Variants in CEP350 observed in about 807,000 individuals in gnomAD.
CEP350 encodes the protein centrosome-associated protein 350.
CEP350 carries 126 observed loss-of-function variants against 331.8 expected under a neutral mutation model. The observed-to-expected ratio is 0.38, with a 90% CI of 0.33 to 0.44. The LOEUF is 0.44. Among genes scored for constraint, CEP350 ranks in the 20% least tolerant of loss-of-function variants. The pLI, the probability that CEP350 is intolerant of heterozygous loss-of-function variation, is 1.00. For missense variants in CEP350, 3,406 were observed against 3,634.6 expected, an observed-to-expected ratio of 0.94 and a Z score of 1.62; for synonymous variants, 1,200 against 1,259.5, an observed-to-expected ratio of 0.95 and a Z score of 1.00.
intron 25 of CEP350, among the ~76,000 whole-genome samples, chr1:180,058,126 CT>C (rs1279382608): frequency 6.6e-6 from 1 of 152,086 alleles, no homozygotes. Context: ...GGTATATATC[CT>C]AAAAAAGCTT....
chr1:180,054,114 C>T (rs1308732784), intron 24 of CEP350, among the ~76,000 whole-genome samples, 180 bp downstream of exon 24: 1 of 152,176 alleles, frequency 6.6e-6, no homozygotes, highest in Non-Finnish European at 1.5e-5. Flanking sequence ...ACCCACGTAA[C>T]ATTTTCTTTG....
At chr1:180,042,943 A>G in intron 19 of CEP350, 113 bp from the exon 20 acceptor site, 1 of 1,149,502 alleles carries the variant, frequency 8.7e-7, no homozygotes, top group South Asian at 1.6e-5. Context: ...TTAGTGGCAG[A>G]ATTTGCTTGT....
rs1218845945 is a variant in CEP350, at chr1:180,111,363, T to C, written c.*202T>C. Reference sequence around the variant, plus strand: ...CTTTCGAGACTATCCACTGGATTAATGGGTTATTTTCAGTGGGCAGGGTTG... The same window carrying C: ...CTTTCGAGACTATCCACTGGATTAACGGGTTATTTTCAGTGGGCAGGGTTG... On this transcript the variant is annotated 3_prime_UTR_variant, in exon 38 of 38. Transcript: ENST00000367607. The C allele has an allele frequency of 1.7e-6, 1 of 581,400 alleles. No individual in the cohort carries two copies. The allele number at this position is 581,400 out of a possible 1,614,324, so 36.0% of individuals were successfully genotyped here. A position where few individuals can be genotyped will look rare whatever the true frequency, so the allele number is the denominator to read the frequency against.
At chr1:180,041,022 G>T (rs1656727080) in intron 17 of CEP350, 116 bp from the exon 18 acceptor site, 6 of 715,882 alleles carry the variant, frequency 8.4e-6, no homozygotes, top group Admixed American at 3.2e-5. Flanking sequence ...TTTCCTTTTG[G>T]TTCTAATTAG....
At chr1:180,100,477 G>C (rs1054416703) in intron 37 of CEP350, among the ~76,000 whole-genome samples, 2 of 152,216 alleles carry the variant, frequency 1.3e-5, no homozygotes, top group African/African-American at 4.8e-5. Context: ...CAGCTAAATT[G>C]ATGATATCCC....
At position 180,108,519 on chromosome 1, in the gene CEP350, G is replaced by A. The variant is rs186110539; in HGVS notation, c.9190-2478G>A. Among the ~76,000 whole-genome samples, 748 of 152,168 alleles carry A rather than the reference G, an allele frequency of 4.9e-3. 3 individuals carry two copies. The highest frequency in any genetic ancestry group is 0.01 in the Admixed American group (154 of 15,274). ...TGTCTCAAAAAAAAAGTGGGGCGGGGTGGGGGACTAAAAGAACTGTTATAG... is the reference window on the plus strand; with the variant it reads ...TGTCTCAAAAAAAAAGTGGGGCGGGATGGGGGACTAAAAGAACTGTTATAG... On this transcript the variant is annotated intron_variant, in intron 37 of 37. Coordinates refer to ENST00000367607, the MANE Select transcript of CEP350 (RefSeq NM_014810.5).
chr1:180,078,057 C>T (rs531040155), intron 28 of CEP350, among the ~76,000 whole-genome samples: 53 of 151,952 alleles, frequency 3.5e-4, no homozygotes, highest in Middle Eastern at 3.4e-3. Flanking sequence ...CACTTGATCC[C>T]GGGAAGCGAA....
In CEP350 at chr1:179,986,269, T is replaced by G; in HGVS notation, c.73+15T>G. The G allele has an allele frequency of 6.5e-7, 1 of 1,542,636 alleles. No individual in the cohort carries two copies. The highest frequency in any genetic ancestry group is 1.2e-5 in the South Asian group (1 of 83,520). On this transcript the variant is annotated intron_variant, in intron 2 of 37. Transcript: ENST00000367607. Reference sequence around the variant, plus strand: ...TACTGTTCAAGGTATGATTTTGTTTTTTTAAACAGAACTTAATACCTCATT... The same window carrying G: ...TACTGTTCAAGGTATGATTTTGTTTGTTTAAACAGAACTTAATACCTCATT...
intron 22 of CEP350, among the ~76,000 whole-genome samples, chr1:180,051,393 G>C (rs561042386): frequency 6.6e-6 from 1 of 152,284 alleles, no homozygotes; most frequent in South Asian, 2.1e-4. Flanking sequence ...ATGACAGTCT[G>C]TAAAAGCCAC....
chr1:180,080,291 T>C (rs1371333322), intron 29 of CEP350, among the ~76,000 whole-genome samples: 1 of 152,080 alleles, frequency 6.6e-6, no homozygotes, highest in Non-Finnish European at 1.5e-5. Context: ...TTTTTTTCTA[T>C]GCCTTCAAAA....
intron 7 of CEP350, among the ~76,000 whole-genome samples, chr1:180,004,888 TTGCTTG>T (rs1558093000): frequency 9.0e-5 from 5 of 55,852 alleles, no homozygotes; most frequent in African/African-American, 2.1e-4. Context: ...GCTTGCTTGC[TTGCTTG>T]CTTGCTTGCT....
At chr1:180,021,468 A>G (rs921992478) in intron 12 of CEP350, among the ~76,000 whole-genome samples, 1 of 152,174 alleles carries the variant, frequency 6.6e-6, no homozygotes, top group Non-Finnish European at 1.5e-5. Context: ...AGCCTGGCCA[A>G]CATGGTGAAA....
intron 22 of CEP350, among the ~76,000 whole-genome samples, chr1:180,051,254 G>A (rs913907771): frequency 1.3e-5 from 2 of 152,062 alleles, no homozygotes; most frequent in Non-Finnish European, 2.9e-5. Context: ...ACAGTCCTCC[G>A]CTCTACCAGA....
At position 180,048,719 on chromosome 1, in the gene CEP350, C is replaced by T; in HGVS notation, c.4792+14C>T. On this transcript the variant is annotated intron_variant, in intron 22 of 37. Transcript: ENST00000367607. Reference sequence around the variant, plus strand: ...CTGATGAAAAAGGTAACTTTCTTTGCAAATAAATGTGTAATCATTTGTTCA... The same window carrying T: ...CTGATGAAAAAGGTAACTTTCTTTGTAAATAAATGTGTAATCATTTGTTCA... The T allele has an allele frequency of 1.3e-6, 2 of 1,588,078 alleles. No homozygotes were observed. Among genetic ancestry groups the T allele is most frequent in the Non-Finnish European group, 1.7e-6 (2 of 1,162,242 alleles).
chr1:180,063,248 T>C (rs1310629641), intron 26 of CEP350, among the ~76,000 whole-genome samples: 1 of 134,542 alleles, frequency 7.4e-6, no homozygotes, highest in African/African-American at 2.7e-5. Flanking sequence ...TGGAATAAAA[T>C]GGTGCAATCA....
intron 37 of CEP350, among the ~76,000 whole-genome samples, chr1:180,107,346 TC>T (rs1271228912): frequency 3.9e-5 from 6 of 152,162 alleles, no homozygotes; most frequent in Non-Finnish European, 8.8e-5. Flanking sequence ...GGCAGAAACT[TC>T]CTTGCAGGTT....
chr1:180,051,102 A>G (rs1355631907), intron 22 of CEP350, among the ~76,000 whole-genome samples: 1 of 152,230 alleles, frequency 6.6e-6, no homozygotes, highest in Non-Finnish European at 1.5e-5. Flanking sequence ...CAGCGTATTC[A>G]TAATTGCTAA....
chr1:180,030,390 A>G (rs542420769), intron 14 of CEP350, among the ~76,000 whole-genome samples: 2 of 149,650 alleles, frequency 1.3e-5, no homozygotes, highest in South Asian at 4.2e-4. Flanking sequence ...TATATTTAAA[A>G]TTTGGGCCAC....
chr1:180,110,494 A>G (rs1661413218), intron 37 of CEP350, among the ~76,000 whole-genome samples: 1 of 152,234 alleles, frequency 6.6e-6, no homozygotes, highest in Non-Finnish European at 1.5e-5. Context: ...ACCAATATAC[A>G]TGCTCTGAGC....
Sources: gnomAD v4.1 joint callset for allele counts (sites outside exome capture counted in the v4.1 genomes callset) on GRCh38, gnomAD v4.1.1 for gene constraint, MANE v1.5 for transcripts, NCBI Gene and HGNC (gene_info 2026-07-23, HGNC 2026-07-21) for gene names.